Variants in KLHL1 observed in about 807,000 individuals in gnomAD.
KLHL1 encodes the protein kelch like family member 1.
KLHL1 carries 47 observed loss-of-function variants against 77.7 expected under a neutral mutation model. The observed-to-expected ratio is 0.60, with a 90% CI of 0.48 to 0.77. KLHL1 has a LOEUF of 0.77. Among genes scored for constraint, KLHL1 ranks in the 30% least tolerant of loss-of-function variants. The pLI is 0.00. For missense variants in KLHL1, 925 were observed against 910.8 expected (o/e 1.02, Z -0.20); for synonymous variants, 360 against 325.2 (o/e 1.11, Z -1.15).
intron 5 of KLHL1, among the ~76,000 whole-genome samples, chr13:69,858,705 A>G (rs1380967329): frequency 6.6e-6 from 1 of 152,058 alleles, no homozygotes; most frequent in Admixed American, 6.6e-5. Context: ...GGAAATGACT[A>G]TTGATAAAGA....
intron 4 of KLHL1, among the ~76,000 whole-genome samples, chr13:69,889,225 T>C (rs2138206075): frequency 6.6e-6 from 1 of 152,218 alleles, no homozygotes; most frequent in Non-Finnish European, 1.5e-5. Flanking sequence ...CGAATTTTAC[T>C]GGGCTTTTGA....
chr13:69,794,921 A>T (rs966506153), intron 7 of KLHL1, among the ~76,000 whole-genome samples: 1 of 152,176 alleles, frequency 6.6e-6, no homozygotes, highest in Non-Finnish European at 1.5e-5. Flanking sequence ...GAATATCAAC[A>T]TCTATGCAAT....
At chr13:70,097,545 C>G (rs918693891) in intron 1 of KLHL1, among the ~76,000 whole-genome samples, 8 of 151,972 alleles carry the variant, frequency 5.3e-5, no homozygotes, top group Non-Finnish European at 1.0e-4. Flanking sequence ...ATCCAGCACC[C>G]CTTTTCGTCT....
intron 1 of KLHL1, among the ~76,000 whole-genome samples, chr13:69,995,241 A>C (rs1428579819): frequency 6.6e-6 from 1 of 152,170 alleles, no homozygotes; most frequent in African/African-American, 2.4e-5. Context: ...ACCCAGAAAA[A>C]GTTTGGTGGT....
intron 1 of KLHL1, among the ~76,000 whole-genome samples, chr13:69,979,261 A>C (rs1884639131): frequency 6.6e-6 from 1 of 151,838 alleles, no homozygotes; most frequent in Non-Finnish European, 1.5e-5. Context: ...CTGAGAACAC[A>C]TTACTTCTCT....
chr13:69,934,494 G>A (rs1200264378), intron 4 of KLHL1, among the ~76,000 whole-genome samples: 1 of 151,846 alleles, frequency 6.6e-6, no homozygotes, highest in Non-Finnish European at 1.5e-5. Flanking sequence ...CGCCTCTAGG[G>A]TATACTAATC....
chr13:70,040,569 C>T (rs1886351963), intron 1 of KLHL1, among the ~76,000 whole-genome samples: 2 of 152,170 alleles, frequency 1.3e-5, no homozygotes, highest in South Asian at 4.1e-4. Context: ...GATGGGAAAT[C>T]ACTATCATCC....
chr13:70,084,558 A>C (rs1197833971), intron 1 of KLHL1, among the ~76,000 whole-genome samples: 1 of 124,124 alleles, frequency 8.1e-6, no homozygotes, highest in Non-Finnish European at 1.6e-5. Context: ...TTCCGGGTTC[A>C]CGCCATTTTC....
intron 5 of KLHL1, among the ~76,000 whole-genome samples, chr13:69,863,564 A>G (rs894535134): frequency 7.2e-5 from 11 of 152,006 alleles, no homozygotes; most frequent in Admixed American, 2.0e-4. Flanking sequence ...AACTTCTTTT[A>G]TATTTGAATT....
intron 5 of KLHL1, among the ~76,000 whole-genome samples, chr13:69,879,352 C>G (rs1399844901): frequency 6.6e-6 from 1 of 152,072 alleles, no homozygotes; most frequent in Non-Finnish European, 1.5e-5. Flanking sequence ...CACTACAACT[C>G]TTTTCTATTT....
chr13:69,993,217 A>G (rs1442057387), intron 1 of KLHL1, among the ~76,000 whole-genome samples: 1 of 152,090 alleles, frequency 6.6e-6, no homozygotes, highest in African/African-American at 2.4e-5. Flanking sequence ...ATCAAGGGGA[A>G]CTTACAAACA....
intron 7 of KLHL1, among the ~76,000 whole-genome samples, chr13:69,788,661 T>C (rs1019698231): frequency 1.6e-5 from 2 of 128,100 alleles, no homozygotes; most frequent in Non-Finnish European, 3.4e-5. Context: ...TAAAGTATAA[T>C]AATAATAATA....
At chr13:69,768,785 T>A (rs2325232) in intron 7 of KLHL1, among the ~76,000 whole-genome samples, 1 of 151,896 alleles carries the variant, frequency 6.6e-6, no homozygotes, top group African/African-American at 2.4e-5. Flanking sequence ...GATTTTTTGA[T>A]TTTATTCTAG....
At chr13:70,014,056 C>A (rs1885600268) in intron 1 of KLHL1, among the ~76,000 whole-genome samples, 1 of 151,954 alleles carries the variant, frequency 6.6e-6, no homozygotes, top group African/African-American at 2.4e-5. Context: ...TATGTGGTTT[C>A]TAAGGGCATA....
At position 69,830,850 on chromosome 13, in the gene KLHL1, T is replaced by C. The variant is rs962764814; in HGVS notation, c.1414+8126A>G. Reference sequence around the variant, plus strand: ...TAAGTAATCTGATCCTGAATGATTGTTGGGTCAACAGTGAAGTCAAGATAG... The same window carrying C: ...TAAGTAATCTGATCCTGAATGATTGCTGGGTCAACAGTGAAGTCAAGATAG... On this transcript the variant is annotated intron_variant, in intron 6 of 10. Coordinates refer to ENST00000377844, the MANE Select transcript of KLHL1 (RefSeq NM_020866.3). Among the ~76,000 whole-genome samples, 15 of 150,084 alleles carry C rather than the reference T, an allele frequency of 1.0e-4. 1 individual carries two copies. The highest frequency in any genetic ancestry group is 3.2e-4 in the African/African-American group (13 of 40,024).
rs543252555 is a variant in KLHL1, at chr13:69,807,070, T to G, written c.1415-10108A>C. On this transcript the variant is annotated intron_variant, in intron 6 of 10. Transcript: ENST00000377844. ...TTAATACTGGGCCGAGTTTTGCCTT[T>G]GGCCTGAGTTCAGGCTGACATGAGT... Among the ~76,000 whole-genome samples, 5 of 152,288 alleles carry G rather than the reference T, an allele frequency of 3.3e-5. No individual in the cohort carries two copies. In the South Asian group the frequency reaches 1.0e-3, roughly 32 times the overall value.
At chr13:69,956,013 A>C in intron 3 of KLHL1, among the ~76,000 whole-genome samples, 1 of 115,804 alleles carries the variant, frequency 8.6e-6, no homozygotes, top group Admixed American at 8.9e-5. Flanking sequence ...ATTTATATAT[A>C]TTTGATATAT....
intron 4 of KLHL1, among the ~76,000 whole-genome samples, chr13:69,885,927 G>A (rs1452007165): frequency 1.3e-5 from 2 of 152,166 alleles, no homozygotes; most frequent in African/African-American, 4.8e-5. Context: ...AATGGGAAAT[G>A]GAGACATATA....
intron 6 of KLHL1, among the ~76,000 whole-genome samples, chr13:69,805,534 G>C (rs112024004): frequency 6.6e-5 from 10 of 151,668 alleles, no homozygotes; most frequent in African/African-American, 2.4e-4. Context: ...AGGTAAATCA[G>C]AAAAGCAGAA....
Sources: gnomAD v4.1 joint callset for allele counts (sites outside exome capture counted in the v4.1 genomes callset) on GRCh38, gnomAD v4.1.1 for gene constraint, MANE v1.5 for transcripts, NCBI Gene and HGNC (gene_info 2026-07-23, HGNC 2026-07-21) for gene names.